Variants in ST8SIA2 observed in about 807,000 individuals in gnomAD.
ST8SIA2 encodes ST8 alpha-N-acetyl-neuraminide alpha-2,8-sialyltransferase 2, also known as alpha-2,8-sialyltransferase 8B.
Under a neutral mutation model 37.6 loss-of-function variants are expected in ST8SIA2, and 22 were observed. The ratio of observed to expected loss-of-function variants is 0.58; its 90% CI spans 0.42 to 0.83. The LOEUF (loss-of-function observed/expected upper bound fraction) is 0.83. ST8SIA2 is among the 40% of genes least tolerant of loss of function. ST8SIA2 has a pLI of 0.00. For missense variants in ST8SIA2, 382 were observed against 484.7 expected (o/e 0.79, Z 1.99); for synonymous variants, 205 against 201.2 (o/e 1.02, Z -0.16).
intron 5 of ST8SIA2, among the ~76,000 whole-genome samples, chr15:92,448,179 G>A (rs2049855842): frequency 6.6e-6 from 1 of 152,136 alleles, no homozygotes; most frequent in Non-Finnish European, 1.5e-5. Context: ...TCAGCTGCAG[G>A]ACCACCCCAG....
At chr15:92,444,493 G>A (rs981980949) in intron 4 of ST8SIA2, 143 bp from the exon 5 acceptor site, 3 of 926,430 alleles carry the variant, frequency 3.2e-6, no homozygotes. Flanking sequence ...ATGATGGGAG[G>A]GGCCTGTGAG....
At chr15:92,442,130 G>A (rs558860075) in intron 4 of ST8SIA2, among the ~76,000 whole-genome samples, 1 of 152,326 alleles carries the variant, frequency 6.6e-6, no homozygotes, top group Admixed American at 6.5e-5. Flanking sequence ...CATCTGGTGG[G>A]GAAGGAAGAC....
In ST8SIA2 at chr15:92,394,127, C is replaced by T. The variant is rs372146416; in HGVS notation, c.63C>T (p.Ile21=). 6 of 1,560,574 alleles carry T rather than the reference C, an allele frequency of 3.8e-6. No homozygotes were observed. The South Asian group carries it at 7.1e-5, about 18-fold the overall frequency. The change falls in exon 1 of 6, where the codon ATC becomes ATT. Residue 21 remains isoleucine, a synonymous_variant. Transcript: ENST00000268164. The part of the protein sequence containing the change: ...AALTLLVVFL[I]FADISEIEEE... ...TCACGCTGCTCGTGGTCTTCCTCAT[C>T]TTCGCAGACATCTCAGAGATCGAAG... is the stretch of plus-strand genomic sequence containing the variant.
intron 4 of ST8SIA2, among the ~76,000 whole-genome samples, chr15:92,443,823 A>C (rs1273360025): frequency 6.6e-6 from 1 of 152,108 alleles, no homozygotes; most frequent in Non-Finnish European, 1.5e-5. Flanking sequence ...CCTGAAGAGA[A>C]AGAGCTTGTG....
chr15:92,429,910 C>T, intron 1 of ST8SIA2, 139 bp from the exon 2 acceptor site: 1 of 906,210 alleles, frequency 1.1e-6, no homozygotes, highest in South Asian at 1.4e-5. Context: ...CAGGACTTTG[C>T]CCATTCTGCA....
At chr15:92,415,149 CTCA>C (rs2049577845) in intron 1 of ST8SIA2, among the ~76,000 whole-genome samples, 1 of 152,114 alleles carries the variant, frequency 6.6e-6, no homozygotes, top group African/African-American at 2.4e-5. Flanking sequence ...AGGAAGCAGC[CTCA>C]TCAAGTGTCT....
chr15:92,439,952 G>A (rs935925796), intron 4 of ST8SIA2, among the ~76,000 whole-genome samples: 21 of 152,104 alleles, frequency 1.4e-4, no homozygotes, highest in Non-Finnish European at 2.4e-4. Context: ...CGGGGGAGGC[G>A]GGGGGGTGGC....
At chr15:92,460,040 T>C (rs531807211) in intron 5 of ST8SIA2, among the ~76,000 whole-genome samples, 1 of 152,170 alleles carries the variant, frequency 6.6e-6, no homozygotes, top group Non-Finnish European at 1.5e-5. Flanking sequence ...AGGCTGGGTG[T>C]TCGTTTTTCT....
intron 1 of ST8SIA2, among the ~76,000 whole-genome samples, chr15:92,398,930 C>T (rs1364891064): frequency 1.3e-5 from 2 of 152,224 alleles, no homozygotes; most frequent in Non-Finnish European, 2.9e-5. Flanking sequence ...TTAGTAGTTT[C>T]TCCATCAGTC....
intron 1 of ST8SIA2, among the ~76,000 whole-genome samples, chr15:92,397,384 G>T (rs1567208374): frequency 6.6e-6 from 1 of 152,138 alleles, no homozygotes; most frequent in Non-Finnish European, 1.5e-5. Context: ...GGAGTTTTCT[G>T]AGACACACAT....
At chr15:92,412,239 G>A (rs2049554834) in intron 1 of ST8SIA2, among the ~76,000 whole-genome samples, 1 of 151,958 alleles carries the variant, frequency 6.6e-6, no homozygotes, top group Admixed American at 6.6e-5. Context: ...AAATAAAAGA[G>A]TGCATCTGTA....
intron 5 of ST8SIA2, among the ~76,000 whole-genome samples, chr15:92,460,088 C>A (rs186162059): frequency 3.3e-5 from 5 of 152,284 alleles, no homozygotes; most frequent in African/African-American, 1.2e-4. Flanking sequence ...CAGTCACGTG[C>A]CCTGCAAGGC....
intron 5 of ST8SIA2, among the ~76,000 whole-genome samples, chr15:92,462,796 C>G (rs998968764): frequency 6.6e-6 from 1 of 152,190 alleles, no homozygotes; most frequent in Non-Finnish European, 1.5e-5. Flanking sequence ...AAGCCATAAG[C>G]ATTGCCTTTT....
intron 4 of ST8SIA2, among the ~76,000 whole-genome samples, chr15:92,441,337 G>A (rs1476815917): frequency 1.1e-4 from 16 of 152,194 alleles, no homozygotes. Flanking sequence ...TAAAAGTGGT[G>A]AGGAGGAGGA....
rs1229318544 is a variant in ST8SIA2 at position 92,467,570 on chromosome 15, CCTT to C, written c.*3189_*3191del. 1 of 152,392 alleles carries C rather than the reference CCTT, an allele frequency of 6.6e-6. No individual in the cohort carries two copies. Among genetic ancestry groups the C allele is most frequent in the Non-Finnish European group, 1.5e-5 (1 of 68,060 alleles). 9.4% of individuals were successfully genotyped at this position (152,392 alleles called of 1,614,324 possible). ...TGCCACATTCTTGTGTTTTTTTCCT[CCTT>C]CTTTCCCAATCCCTCTCAACCATGT... On this transcript the variant is annotated 3_prime_UTR_variant, in exon 6 of 6. Transcript: ENST00000268164.
Position 92,442,286 on chromosome 15 carries a change from G to T in ST8SIA2, c.549-2350G>T, listed in dbSNP as rs1368483027. 7.2e-5 allele frequency among the ~76,000 whole-genome samples: 11 copies of T among 152,290 alleles called. No homozygotes were observed. In the East Asian group the frequency reaches 2.1e-3, roughly 29 times the overall value. On this transcript the variant is annotated intron_variant, in intron 4 of 5. Coordinates refer to ENST00000268164, the MANE Select transcript of ST8SIA2 (RefSeq NM_006011.4). Reference sequence around the variant, plus strand: ...GTAAGGTATGGAGCCCTTACTGTGAGCCGAGTCCTATACTGAATGAGGGCT... The same window carrying T: ...GTAAGGTATGGAGCCCTTACTGTGATCCGAGTCCTATACTGAATGAGGGCT...
chr15:92,395,410 C>T (rs565593925), intron 1 of ST8SIA2, among the ~76,000 whole-genome samples: 18 of 152,262 alleles, frequency 1.2e-4, no homozygotes, highest in African/African-American at 4.3e-4. Flanking sequence ...TGCCGAGGCC[C>T]CAAGGACAAA....
At chr15:92,428,689 G>A (rs2049694019) in intron 1 of ST8SIA2, among the ~76,000 whole-genome samples, 2 of 152,138 alleles carry the variant, frequency 1.3e-5, no homozygotes, top group African/African-American at 2.4e-5. Flanking sequence ...AATGGGGAGG[G>A]ACAAAAATAA....
At chr15:92,447,048 G>A (rs1043933407) in intron 5 of ST8SIA2, among the ~76,000 whole-genome samples, 3 of 152,172 alleles carry the variant, frequency 2.0e-5, no homozygotes, top group African/African-American at 7.2e-5. Flanking sequence ...CAGCAAGAAT[G>A]AAAGCTGGAA....
Sources: gnomAD v4.1 joint callset for allele counts (sites outside exome capture counted in the v4.1 genomes callset) on GRCh38, gnomAD v4.1.1 for gene constraint, MANE v1.5 for transcripts, NCBI Gene and HGNC (gene_info 2026-07-23, HGNC 2026-07-21) for gene names.